Variants in TMEM37 observed in about 807,000 individuals in gnomAD.
TMEM37 encodes transmembrane protein 37.
A neutral mutation model predicts 11.0 loss-of-function variants in TMEM37; 12 were observed. The observed-to-expected ratio is 1.09, with a 90% CI of 0.70 to 1.76. The LOEUF is 1.76. TMEM37 is among the 40% of genes most tolerant of loss of function. The pLI is 0.00. For synonymous variants in TMEM37, 127 were observed against 110.5 expected (o/e 1.15, Z -0.94); for missense variants, 203 against 251.2 (o/e 0.81, Z 1.30).
Position 119,432,185 on chromosome 2 carries a change from A to C in TMEM37, c.21+261A>C, listed in dbSNP as rs549522226. ...TGCTTCTGCTCGCGGCCTTGCAAGC[A>C]CCCGAGGCTCCCAAACTTCATTTGG... On this transcript the variant is annotated intron_variant, in intron 1 of 1. Coordinates refer to ENST00000306406, the MANE Select transcript of TMEM37 (RefSeq NM_183240.3). The C allele has an allele frequency of 1.4e-5, 5 of 365,336 alleles. No individual in the cohort carries two copies. In the South Asian group the frequency reaches 7.4e-4, roughly 54 times the overall value. The allele number at this position is 365,336 out of a possible 1,614,324, so 22.6% of individuals were successfully genotyped here. A position where few individuals can be genotyped will look rare whatever the true frequency, so the allele number is the denominator to read the frequency against.
At position 119,436,993 on chromosome 2, in the gene TMEM37, G is replaced by A. The variant is rs1455088141; in HGVS notation, c.126G>A (p.Ser42=). The A allele has an allele frequency of 7.4e-6, 12 of 1,614,114 alleles. No homozygotes were observed. The highest frequency in any genetic ancestry group is 5.3e-5 in the African/African-American group (4 of 74,940). Reference sequence around the variant, plus strand: ...TGGCCCTGGCTGTGGTCCTGTCCTCGGTCTCCATTTGTGATGGGCACTGGC... The same window carrying A: ...TGGCCCTGGCTGTGGTCCTGTCCTCAGTCTCCATTTGTGATGGGCACTGGC... ...TCVALAVVLS[S]VSICDGHWLL... The change falls in exon 2 of 2, where the codon TCG becomes TCA. Residue 42 remains serine (S), a synonymous_variant. Coordinates refer to ENST00000306406, the MANE Select transcript of TMEM37 (RefSeq NM_183240.3).
At position 119,436,929 on chromosome 2, in the gene TMEM37, T is replaced by C; in HGVS notation, c.62T>C (p.Phe21Ser). 1.2e-6 allele frequency: 2 copies of C among 1,614,206 alleles called. No homozygotes were observed. The highest frequency in any genetic ancestry group is 1.7e-6 in the Non-Finnish European group (2 of 1,180,036). ...GGCCAAAGGCAGCCCCGCCGGTCCT[T>C]CTTTGAATCCTTCATCCGGACCCTC... ...PLGQRQPRRS[F>S]FESFIRTLII... Residue 21 changes from phenylalanine to serine, a missense_variant, in exon 2 of 2, where the codon TTC becomes TCC. Transcript: ENST00000306406.
At chr2:119,431,736 G>A (rs919119912), upstream of TMEM37, 19 of 497,608 alleles carry the variant, frequency 3.8e-5, no homozygotes, top group Non-Finnish European at 5.5e-5. Flanking sequence ...AGGGCGGCGG[G>A]GTTGGCGGAG....
In TMEM37 at chr2:119,437,535, T is replaced by C; in HGVS notation, c.*95T>C. 2.0e-6 allele frequency: 3 copies of C among 1,481,362 alleles called. No individual in the cohort carries two copies. Among genetic ancestry groups the C allele is most frequent in the Non-Finnish European group, 2.7e-6 (3 of 1,106,102 alleles). 91.8% of individuals were successfully genotyped at this position (1,481,362 alleles called of 1,614,324 possible). Reference sequence around the variant, plus strand: ...TCCAGCATGTGGCCTCTGGTGGGGCTGGGTTGGACAAGGGCCTTGAAACGG... The same window carrying C: ...TCCAGCATGTGGCCTCTGGTGGGGCCGGGTTGGACAAGGGCCTTGAAACGG... On this transcript the variant is annotated 3_prime_UTR_variant, in exon 2 of 2. Coordinates refer to ENST00000306406, the MANE Select transcript of TMEM37 (RefSeq NM_183240.3).
chr2:119,430,085 A>G (rs1682362942), upstream of TMEM37: 14 of 989,038 alleles, frequency 1.4e-5, no homozygotes, highest in East Asian at 2.6e-5. Flanking sequence ...TTCCTTTCCC[A>G]TGTGGGCTCT....
upstream of TMEM37, chr2:119,430,118 G>C: frequency 1.3e-6 from 1 of 772,136 alleles, no homozygotes. Context: ...CAGAGCTGCG[G>C]AGAGTCTGGC....
chr2:119,433,291 A>G (rs1319394407), intron 1 of TMEM37, among the ~76,000 whole-genome samples: 2 of 152,194 alleles, frequency 1.3e-5, no homozygotes. Flanking sequence ...ATGACTTGCC[A>G]GGGGGCAAAC....
chr2:119,434,246 T>G (rs899598421), intron 1 of TMEM37, among the ~76,000 whole-genome samples: 10 of 152,128 alleles, frequency 6.6e-5, no homozygotes, highest in Admixed American at 2.6e-4. Flanking sequence ...CTCCTCCTTT[T>G]TAGGACCATT....
chr2:119,431,673 C>T (rs1176903323), upstream of TMEM37, among the ~76,000 whole-genome samples: 1 of 152,242 alleles, frequency 6.6e-6, no homozygotes, highest in South Asian at 2.1e-4. Flanking sequence ...CCCCGCGGCT[C>T]CCCAGGGGCT....
chr2:119,437,576 T>C lies in TMEM37; in HGVS notation c.*136T>C. On this transcript the variant is annotated 3_prime_UTR_variant, in exon 2 of 2. Coordinates refer to ENST00000306406, the MANE Select transcript of TMEM37 (RefSeq NM_183240.3). The stretch of plus-strand genomic sequence containing the variant: ...CTTGAAACGGCTGCCTGTTTGCCGA[T>C]AACTTGTGGGTGGTCAGCCAGAAAT... 1 of 1,222,164 alleles carries C rather than the reference T, an allele frequency of 8.2e-7. No individual in the cohort carries two copies. The highest frequency in any genetic ancestry group is 1.1e-6 in the Non-Finnish European group (1 of 888,608). The allele number at this position is 1,222,164 out of a possible 1,614,324, so 75.7% of individuals were successfully genotyped here.
At chr2:119,429,968 C>T (rs1222420703), upstream of TMEM37, 10 of 1,550,430 alleles carry the variant, frequency 6.4e-6, no homozygotes, top group East Asian at 9.8e-5. Flanking sequence ...ATTCCAGGCA[C>T]TTCCCTCTTG....
chr2:119,432,074 A>C, intron 1 of TMEM37, 150 bp downstream of exon 1: 1 of 475,768 alleles, frequency 2.1e-6, no homozygotes, highest in Non-Finnish European at 3.3e-6. Context: ...CCTGTTGCAA[A>C]CCTGGGTCCG....
Position 119,438,332 on chromosome 2 carries a change from T to C in TMEM37, c.*892T>C, listed in dbSNP as rs1682549731. 1.3e-5 allele frequency: 2 copies of C among 152,162 alleles called. No individual in the cohort carries two copies. The highest frequency in any genetic ancestry group is 4.8e-5 in the African/African-American group (2 of 41,418). 9.4% of individuals were successfully genotyped at this position (152,162 alleles called of 1,614,324 possible). On this transcript the variant is annotated 3_prime_UTR_variant, in exon 2 of 2. Coordinates refer to ENST00000306406, the MANE Select transcript of TMEM37 (RefSeq NM_183240.3). ...CCCAGAACACATTTCAAAGAGCACG[T>C]ATCTAGACCTGCTGGACTCTGCAGG...
chr2:119,430,764 T>C (rs531658282), upstream of TMEM37, among the ~76,000 whole-genome samples: 48 of 152,286 alleles, frequency 3.2e-4, no homozygotes, highest in Admixed American at 1.9e-3. Context: ...AGCCTTTCTG[T>C]TGGAATTTGT....
chr2:119,431,413 G>T (rs1406183013), upstream of TMEM37, among the ~76,000 whole-genome samples: 1 of 152,186 alleles, frequency 6.6e-6, no homozygotes, highest in African/African-American at 2.4e-5. Context: ...GCAGCCCAAG[G>T]TCACACCGCA....
At chr2:119,435,654 A>G (rs1682482695) in intron 1 of TMEM37, among the ~76,000 whole-genome samples, 1 of 152,180 alleles carries the variant, frequency 6.6e-6, no homozygotes. Context: ...TAAACACAGA[A>G]TGTGGTGGTG....
chr2:119,432,538 G>A (rs908964050), intron 1 of TMEM37, among the ~76,000 whole-genome samples: 3 of 152,112 alleles, frequency 2.0e-5, no homozygotes, highest in Admixed American at 6.5e-5. Flanking sequence ...CGTAGTGCAC[G>A]ATGTTTATGT....
chr2:119,436,236 C>T (rs371565545), intron 1 of TMEM37, among the ~76,000 whole-genome samples: 2 of 152,134 alleles, frequency 1.3e-5, no homozygotes, highest in East Asian at 3.9e-4. Context: ...CCAGAAGCTG[C>T]AGGAGCAGAC....
upstream of TMEM37, chr2:119,430,075 T>C: frequency 9.2e-7 from 1 of 1,088,338 alleles, no homozygotes; most frequent in Non-Finnish European, 1.3e-6. Flanking sequence ...AGGACAGGTC[T>C]TCCTTTCCCA....
Sources: allele counts gnomAD v4.1 joint callset (sites outside exome capture counted in the v4.1 genomes callset), GRCh38; gene constraint gnomAD v4.1.1; transcripts MANE v1.5; gene names NCBI Gene and HGNC (gene_info 2026-07-23, HGNC 2026-07-21).